The following MYO16 variants were observed in gnomAD, a reference collection of about 807,000 sequenced individuals.
MYO16 encodes the protein myosin XVI.
Under a neutral mutation model 205.3 loss-of-function variants are expected in MYO16, and 94 were observed. The ratio of observed to expected loss-of-function variants is 0.46; its 90% CI spans 0.39 to 0.54. The LOEUF is 0.54. MYO16 is among the 20% of genes least tolerant of loss of function. The pLI is 0.00. For synonymous variants in MYO16, 988 were observed against 954.0 expected, an observed-to-expected ratio of 1.04 and a Z score of -0.66; for missense variants, 2,315 against 2,387.5, an observed-to-expected ratio of 0.97 and a Z score of 0.63.
At chr13:108,674,302 CA>C (rs1357081004) in intron 2 of MYO16, among the ~76,000 whole-genome samples, 37 of 152,200 alleles carry the variant, frequency 2.4e-4, no homozygotes, top group African/African-American at 8.7e-4. Flanking sequence ...TAGATTGTCT[CA>C]GAAGTTAAAA....
At chr13:109,158,141 G>T (rs544459153) in intron 32 of MYO16, among the ~76,000 whole-genome samples, 1 of 151,994 alleles carries the variant, frequency 6.6e-6, no homozygotes, top group African/African-American at 2.4e-5. Flanking sequence ...TGGCCACTGC[G>T]CTCCAGGGCA....
chr13:108,946,870 T>C (rs1882960812), intron 16 of MYO16, among the ~76,000 whole-genome samples: 1 of 152,096 alleles, frequency 6.6e-6, no homozygotes, highest in Non-Finnish European at 1.5e-5. Context: ...GCCTCCCAAA[T>C]AGCAGGGACT....
chr13:108,691,391 G>T (rs1251585643), intron 2 of MYO16, among the ~76,000 whole-genome samples: 1 of 151,634 alleles, frequency 6.6e-6, no homozygotes, highest in African/African-American at 2.4e-5. Context: ...GAGGTGTAGG[G>T]GTGTGTGTCT....
At chr13:108,711,516 C>T (rs1021500191) in intron 2 of MYO16, among the ~76,000 whole-genome samples, 5 of 152,184 alleles carry the variant, frequency 3.3e-5, no homozygotes, top group Admixed American at 6.5e-5. Context: ...GGCTCACAGG[C>T]GGAGGCCTGT....
the MYO16 span, among the ~76,000 whole-genome samples, chr13:108,566,242 G>A: frequency 6.6e-6 from 1 of 151,972 alleles, no homozygotes; most frequent in African/African-American, 2.4e-5. Flanking sequence ...TTTCTTCATG[G>A]TTGAATATTG....
intron 27 of MYO16, among the ~76,000 whole-genome samples, chr13:109,087,112 A>C (rs541070141): frequency 6.6e-6 from 1 of 152,360 alleles, no homozygotes; most frequent in Non-Finnish European, 1.5e-5. Context: ...CCCTTGCCAC[A>C]CTTTCCGAAG....
chr13:109,192,755 A>G (rs1182233849), intron 34 of MYO16, among the ~76,000 whole-genome samples: 3 of 152,202 alleles, frequency 2.0e-5, no homozygotes, highest in African/African-American at 7.2e-5. Flanking sequence ...TTATGGTGAC[A>G]TGAAAGGTCA....
intron 33 of MYO16, among the ~76,000 whole-genome samples, chr13:109,173,956 G>C (rs929990964): frequency 3.1e-4 from 45 of 143,868 alleles, no homozygotes; most frequent in African/African-American, 1.2e-3. Context: ...ATGGGGGGGG[G>C]TACTCTCTGC....
chr13:108,625,176 G>A (rs7321197), upstream of MYO16, among the ~76,000 whole-genome samples: 15,363 of 152,124 alleles, frequency 0.1, 779 homozygotes, highest in South Asian at 0.13. Flanking sequence ...TTGAATGTCC[G>A]TTTGTTCTGG....
the MYO16 span, among the ~76,000 whole-genome samples, chr13:108,497,708 C>T: frequency 1.3e-5 from 2 of 152,250 alleles, no homozygotes; most frequent in African/African-American, 2.4e-5. Context: ...ATATTTTGCA[C>T]GTGTAATTAA....
intron 1 of MYO16, among the ~76,000 whole-genome samples, chr13:108,634,572 G>T (rs573325215): frequency 1.3e-5 from 2 of 151,968 alleles, no homozygotes; most frequent in Non-Finnish European, 2.9e-5. Context: ...CGTGGCCTTC[G>T]ACCCTCACCT....
chr13:109,140,354 T>A lies in MYO16; in HGVS notation c.4142T>A (p.Leu1381His). 6.2e-7 allele frequency: 1 copy of A among 1,602,978 alleles called. No individual in the cohort carries two copies. Among genetic ancestry groups the A allele is most frequent in the East Asian group, 2.2e-5 (1 of 44,642 alleles). Residue 1381 changes from leucine to histidine, a missense_variant, in exon 32 of 35, where the codon CTC (leucine) becomes CAC (histidine). Physicochemically the swap from Leu to His is moderately conservative, Grantham distance 99. Transcript: ENST00000457511. This position sits in a 1 kb window ranked among gnomAD's most constrained non-coding sequence, Gnocchi z 8.0. ...RKPKRSPNTK[L>H]SGSYEEISGS... ...CCCAAGCGCAGCCCCAACACCAAGC[T>A]CAGCGGCTCCTACGAGGAGATATCG...
At chr13:108,608,525 T>C (rs1245041222) in intron 1 of MYO16, among the ~76,000 whole-genome samples, 2 of 152,198 alleles carry the variant, frequency 1.3e-5, no homozygotes, top group African/African-American at 4.8e-5. Flanking sequence ...CTGACTTTCA[T>C]GGTATTTTTC....
intron 1 of MYO16, among the ~76,000 whole-genome samples, chr13:108,632,236 G>C (rs543469268): frequency 6.6e-6 from 1 of 152,118 alleles, no homozygotes; most frequent in Admixed American, 6.6e-5. Context: ...GAGGTTCATC[G>C]GCCTTCGTCA....
In MYO16 at chr13:108,849,177, TTTTTTG is replaced by T. The variant is rs553138076; in HGVS notation, c.1248+4708_1248+4713del. Among the ~76,000 whole-genome samples the T allele has an allele frequency of 1.6e-3, 149 of 93,834 alleles. 2 individuals carry two copies. The highest frequency in any genetic ancestry group is 0.013 in the South Asian group (32 of 2,444). 61.6% of individuals were successfully genotyped at this position (93,834 alleles called of 152,430 possible). ...CGGTCAACACGAAGTTTTTTTCTGTTTTTTTGTTTTTGTTTTTGTTTTTGTTTTTCT... is the reference window on the plus strand; with the variant it reads ...CGGTCAACACGAAGTTTTTTTCTGTTTTTTTGTTTTTGTTTTTGTTTTTCT... On this transcript the variant is annotated intron_variant, in intron 10 of 34. Transcript: ENST00000457511.
rs925852129 is a variant in MYO16 at position 109,162,428 on chromosome 13, A to G, written c.5165-2473A>G. Reference sequence around the variant, plus strand: ...CTCATTAGTACCTGGTTTCTTGAACATGGTGAGCTCTTTCCTGCTTTGGGG... The same window carrying G: ...CTCATTAGTACCTGGTTTCTTGAACGTGGTGAGCTCTTTCCTGCTTTGGGG... On this transcript the variant is annotated intron_variant, in intron 32 of 34. Transcript: ENST00000457511. The surrounding 1 kb of genome is among the most constrained non-coding windows in gnomAD (Gnocchi z 4.6). 1.3e-5 allele frequency among the ~76,000 whole-genome samples: 2 copies of G among 152,184 alleles called. No individual in the cohort carries two copies. Among genetic ancestry groups the G allele is most frequent in the Admixed American group, 6.5e-5 (1 of 15,286 alleles).
intron 22 of MYO16, among the ~76,000 whole-genome samples, chr13:109,018,270 C>A (rs1050839384): frequency 2.0e-5 from 3 of 152,174 alleles, no homozygotes; most frequent in African/African-American, 7.2e-5. Flanking sequence ...CACTCCAGAC[C>A]CTGTTTGCCT....
intron 34 of MYO16, among the ~76,000 whole-genome samples, chr13:109,180,199 G>A (rs1879398398): frequency 6.6e-6 from 1 of 152,038 alleles, no homozygotes; most frequent in South Asian, 2.1e-4. Flanking sequence ...TGTTTTATGT[G>A]TCTCTTCCTA....
chr13:108,961,793 A>G (rs182109892), intron 18 of MYO16, 137 bp downstream of exon 18: 169 of 668,460 alleles, frequency 2.5e-4, no homozygotes, highest in Admixed American at 1.2e-3. Flanking sequence ...TGAGGGGGGG[A>G]AATTGTCTAC....
Sources: allele counts gnomAD v4.1 joint callset (sites outside exome capture counted in the v4.1 genomes callset), GRCh38; gene constraint gnomAD v4.1.1; non-coding constraint Gnocchi (gnomAD v3.1); transcripts MANE v1.5; gene names NCBI Gene and HGNC (gene_info 2026-07-23, HGNC 2026-07-21).